EEF2K: variants seen among roughly 807,000 people sequenced by gnomAD.
EEF2K encodes the protein alternative protein EEF2K.
A neutral mutation model predicts 93.8 loss-of-function variants in EEF2K; 70 were observed. The ratio of observed to expected loss-of-function variants is 0.75; its 90% confidence interval spans 0.62 to 0.91. The LOEUF (loss-of-function observed/expected upper bound fraction) is 0.91, where lower values mean the gene tolerates loss of function less well. Among genes scored for constraint, EEF2K ranks in the 40% least tolerant of loss-of-function variants. EEF2K has a pLI of 0.00. For missense variants in EEF2K, 935 were observed against 972.9 expected (o/e 0.96, Z 0.52); for synonymous variants, 376 against 380.8 (o/e 0.99, Z 0.15).
At chr16:22,216,790 A>C in intron 1 of EEF2K, among the ~76,000 whole-genome samples, 1 of 151,936 alleles carries the variant, frequency 6.6e-6, no homozygotes, top group South Asian at 2.1e-4. Context: ...GGGGAAGGGA[A>C]GTAGTAAGGG....
rs1167843958 is a variant in EEF2K, at chr16:22,285,176, A to G, written c.*1180A>G. ...TTCTCCAAGCAGACCCACACTCTGC[A>G]TCTCAGTGGCAGCTCCCACAACGTG... On this transcript the variant is annotated 3_prime_UTR_variant, in exon 18 of 18. Transcript: ENST00000263026. The G allele has an allele frequency of 6.6e-6, 1 of 152,498 alleles. No homozygotes were observed. Among genetic ancestry groups the G allele is most frequent in the Non-Finnish European group, 1.5e-5 (1 of 68,050 alleles). The allele number at this position is 152,498 out of a possible 1,614,324, so 9.4% of individuals were successfully genotyped here. A position where few individuals can be genotyped will look rare whatever the true frequency, so the allele number is the denominator to read the frequency against.
chr16:22,248,886 C>T, intron 4 of EEF2K, 71 bp downstream of exon 4: 2 of 1,489,536 alleles, frequency 1.3e-6, no homozygotes, highest in Non-Finnish European at 1.9e-6. Flanking sequence ...TTGGTCTGTG[C>T]ACCCTTCTCT....
At chr16:22,228,331 C>T (rs943353519) in intron 2 of EEF2K, among the ~76,000 whole-genome samples, 6 of 152,016 alleles carry the variant, frequency 3.9e-5, no homozygotes, top group Non-Finnish European at 8.8e-5. Flanking sequence ...TGATTAAAAG[C>T]TCATACTGTG....
intron 1 of EEF2K, among the ~76,000 whole-genome samples, chr16:22,212,597 G>C (rs2046925747): frequency 1.3e-5 from 2 of 152,142 alleles, no homozygotes; most frequent in African/African-American, 4.8e-5. Context: ...TGGGATTACA[G>C]TCGTGAGCCA....
chr16:22,259,907 C>T (rs531485210), intron 10 of EEF2K, among the ~76,000 whole-genome samples: 1 of 152,100 alleles, frequency 6.6e-6, no homozygotes, highest in Non-Finnish European at 1.5e-5. Context: ...TGCATGCCAC[C>T]ATACCCAGCT....
intron 4 of EEF2K, among the ~76,000 whole-genome samples, chr16:22,249,538 C>A (rs2047328403): frequency 6.6e-6 from 1 of 152,130 alleles, no homozygotes; most frequent in South Asian, 2.1e-4. Flanking sequence ...AGGGTAAGCA[C>A]CCCTCTGAAT....
chr16:22,207,104 C>A (rs962114487), intron 1 of EEF2K, among the ~76,000 whole-genome samples: 13 of 152,186 alleles, frequency 8.5e-5, no homozygotes, highest in Non-Finnish European at 1.3e-4. Flanking sequence ...CCCGGAACCT[C>A]CAGGACTGTA....
chr16:22,260,701 C>G (rs1484876254), intron 11 of EEF2K, among the ~76,000 whole-genome samples, 172 bp downstream of exon 11: 1 of 152,176 alleles, frequency 6.6e-6, no homozygotes, highest in Admixed American at 6.5e-5. Context: ...AGCCTCCAGT[C>G]CAAGGCTGAG....
intron 1 of EEF2K, among the ~76,000 whole-genome samples, chr16:22,208,184 G>A (rs2046882177): frequency 6.6e-6 from 1 of 152,138 alleles, no homozygotes; most frequent in South Asian, 2.1e-4. Flanking sequence ...GAACTGAAGT[G>A]GTCACAGTTT....
intron 16 of EEF2K, among the ~76,000 whole-genome samples, chr16:22,279,229 G>C (rs1196744388): frequency 6.9e-6 from 1 of 144,272 alleles, no homozygotes; most frequent in African/African-American, 2.8e-5. Flanking sequence ...AAAGCAACTT[G>C]ACTCCTCTTT....
At chr16:22,240,198 A>G (rs2047208374) in intron 2 of EEF2K, among the ~76,000 whole-genome samples, 1 of 152,206 alleles carries the variant, frequency 6.6e-6, no homozygotes, top group Non-Finnish European at 1.5e-5. Context: ...ACAGGGAGCA[A>G]TCAGTGACAA....
chr16:22,274,654 CT>C (rs2047617821), intron 16 of EEF2K, among the ~76,000 whole-genome samples: 1 of 152,098 alleles, frequency 6.6e-6, no homozygotes, highest in Non-Finnish European at 1.5e-5. Context: ...GTCACCCAGG[CT>C]GGAGGACAGT....
Position 22,266,911 on chromosome 16 carries a change from G to A in EEF2K, c.1764+35G>A, listed in dbSNP as rs746183386. On this transcript the variant is annotated intron_variant, in intron 15 of 17. Coordinates refer to ENST00000263026, the MANE Select transcript of EEF2K (RefSeq NM_013302.5). The stretch of plus-strand genomic sequence containing the variant: ...TGGCGGGGACCCAGCTGCAGGTGGG[G>A]GTGGGACTTGGTCACCCTGTGGTTC... 1.9e-6 allele frequency: 3 copies of A among 1,570,272 alleles called. No homozygotes were observed. In the South Asian group the frequency reaches 3.5e-5, roughly 19 times the overall value.
At chr16:22,260,083 C>A (rs1198887910) in intron 10 of EEF2K, among the ~76,000 whole-genome samples, 1 of 152,142 alleles carries the variant, frequency 6.6e-6, no homozygotes, top group African/African-American at 2.4e-5. Context: ...CTGAGGCCCA[C>A]TTCTTGAGCC....
chr16:22,269,249 G>A (rs1052292947), intron 15 of EEF2K, among the ~76,000 whole-genome samples: 1 of 151,982 alleles, frequency 6.6e-6, no homozygotes, highest in Non-Finnish European at 1.5e-5. Flanking sequence ...GCTTCTGGGG[G>A]TTGCTGGCAA....
At chr16:22,272,668 CTTT>C (rs34054772) in intron 15 of EEF2K, among the ~76,000 whole-genome samples, 12 of 143,068 alleles carry the variant, frequency 8.4e-5, no homozygotes, top group African/African-American at 1.8e-4. Context: ...CGGATGTGTA[CTTT>C]TTTTTTTTTT....
At chr16:22,264,606 G>A (rs1323251039) in intron 12 of EEF2K, among the ~76,000 whole-genome samples, 1 of 152,184 alleles carries the variant, frequency 6.6e-6, no homozygotes, top group Non-Finnish European at 1.5e-5. Context: ...GACTGCACCA[G>A]CGTTGTCATC....
At chr16:22,241,714 G>T (rs1432708173) in intron 2 of EEF2K, among the ~76,000 whole-genome samples, 3 of 151,016 alleles carry the variant, frequency 2.0e-5, no homozygotes, top group Non-Finnish European at 4.4e-5. Context: ...CCAGTGGATG[G>T]TATATGGTGG....
intron 1 of EEF2K, among the ~76,000 whole-genome samples, chr16:22,221,349 T>G (rs1030137573): frequency 2.0e-5 from 3 of 151,994 alleles, no homozygotes; most frequent in African/African-American, 7.2e-5. Context: ...TAGCCGGGCA[T>G]GGTGGCATGG....
Sources: allele counts gnomAD v4.1 joint callset (sites outside exome capture counted in the v4.1 genomes callset), GRCh38; gene constraint gnomAD v4.1.1; transcripts MANE v1.5; gene names NCBI Gene and HGNC (gene_info 2026-07-23, HGNC 2026-07-21).